The following ZNF157 variants were observed in gnomAD, a reference collection of about 807,000 sequenced individuals.
ZNF157 encodes zinc finger protein 22.
In ZNF157, 8 loss-of-function variants were observed where a neutral mutation model predicts 9.4. The ratio of observed to expected loss-of-function variants is 0.85; its 90% CI spans 0.50 to 1.53. The LOEUF (loss-of-function observed/expected upper bound fraction) is 1.53, where lower values mean the gene tolerates loss of function less well. Ranked by LOEUF, ZNF157 falls within the 40% of genes most tolerant of loss-of-function variation. ZNF157 has a pLI of 0.00. For synonymous variants in ZNF157, 120 were observed against 130.8 expected, an observed-to-expected ratio of 0.92 and a Z score of 0.56; for missense variants, 316 against 385.2, an observed-to-expected ratio of 0.82 and a Z score of 1.50.
rs763550111 is a variant in ZNF157 at position 47,380,893 on chromosome X, GAGA to G, written c.72+10155_72+10157del. ...GAAAGAGAAGGAGGAGCAGGAGGAG[GAGA>G]AAGAGAAGGAGGAGCAGGAGGAGGA... is the stretch of plus-strand genomic sequence containing the variant. On this transcript the variant is annotated intron_variant, in intron 1 of 3. Coordinates refer to ENST00000377073, the MANE Select transcript of ZNF157 (RefSeq NM_003446.4). Among the ~76,000 whole-genome samples, 295 of 100,459 alleles carry G rather than the reference GAGA, an allele frequency of 2.9e-3. 1 individual carries two copies. Among genetic ancestry groups the G allele is most frequent in the Middle Eastern group, 5.5e-3 (1 of 183 alleles). 87.2% of individuals were successfully genotyped at this position (100,459 alleles called of 115,157 possible). A position where few individuals can be genotyped will look rare whatever the true frequency, so the allele number is the denominator to read the frequency against.
chrX:47,379,495 A>C (rs1365209972), intron 1 of ZNF157, among the ~76,000 whole-genome samples: 2 of 102,488 alleles, frequency 2.0e-5, no homozygotes, highest in African/African-American at 7.3e-5. Context: ...ATCTCGGCTC[A>C]CTGCAACCTC....
intron 1 of ZNF157, among the ~76,000 whole-genome samples, chrX:47,407,503 T>C (rs2055950634): frequency 8.9e-6 from 1 of 111,991 alleles, no homozygotes. Context: ...AAGTTCAGTT[T>C]ATTTAATTGA....
rs373758904 is a variant in ZNF157 at position 47,370,759 on chromosome X, T to C, written c.72+19T>C. Reference sequence around the variant, plus strand: ...TTTTGAGGTAAGGAGGAGGATCCTATTTTTTTCTATATGTTCTTTATTTTT... The same window carrying C: ...TTTTGAGGTAAGGAGGAGGATCCTACTTTTTTCTATATGTTCTTTATTTTT... On this transcript the variant is annotated intron_variant, in intron 1 of 3. Coordinates refer to ENST00000377073, the MANE Select transcript of ZNF157 (RefSeq NM_003446.4). 6 of 1,136,279 alleles carry C rather than the reference T, an allele frequency of 5.3e-6. No homozygotes were observed. Among genetic ancestry groups the C allele is most frequent in the African/African-American group, 3.7e-5 (2 of 54,580 alleles). 93.6% of individuals were successfully genotyped at this position (1,136,279 alleles called of 1,213,427 possible).
At chrX:47,393,287 CGATCA>C (rs748721209) in intron 1 of ZNF157, among the ~76,000 whole-genome samples, 15 of 112,126 alleles carry the variant, frequency 1.3e-4, no homozygotes, top group Non-Finnish European at 2.6e-4. Context: ...CCAGATAGTT[CGATCA>C]GCCCATTTCC....
intron 1 of ZNF157, among the ~76,000 whole-genome samples, chrX:47,381,565 C>T (rs1445214101): frequency 3.6e-5 from 4 of 111,833 alleles, no homozygotes; most frequent in Non-Finnish European, 7.5e-5. Context: ...TTGTTCATTT[C>T]GGGTATATAG....
intron 1 of ZNF157, among the ~76,000 whole-genome samples, chrX:47,402,219 A>G (rs1358769080): frequency 2.7e-5 from 3 of 111,455 alleles, no homozygotes; most frequent in African/African-American, 9.8e-5. Context: ...GTTGTTTGTA[A>G]CATATGTATC....
intron 1 of ZNF157, among the ~76,000 whole-genome samples, chrX:47,403,555 G>A (rs1001768388): frequency 1.8e-5 from 2 of 110,301 alleles, no homozygotes; most frequent in South Asian, 7.7e-4. Context: ...GGCTTGTCTC[G>A]AACTCCTGGG....
intron 1 of ZNF157, among the ~76,000 whole-genome samples, chrX:47,394,555 A>G (rs1177443205): frequency 8.9e-6 from 1 of 111,831 alleles, no homozygotes; most frequent in African/African-American, 3.2e-5. Context: ...ATACCGAAGT[A>G]TTTGTGTGGA....
Position 47,370,619 on chromosome X carries a change from C to T in ZNF157, c.-50C>T, listed in dbSNP as rs1481820222. On this transcript the variant is annotated 5_prime_UTR_variant, in exon 1 of 4. Coordinates refer to ENST00000377073, the MANE Select transcript of ZNF157 (RefSeq NM_003446.4). ...TTACTGGAGGCTGCAGGACCCTCTA[C>T]ACACAGACAGCTGTCCAGCACGGAA... 10 of 1,148,353 alleles carry T rather than the reference C, an allele frequency of 8.7e-6. No individual in the cohort carries two copies. Among genetic ancestry groups the T allele is most frequent in the Admixed American group, 2.4e-5 (1 of 41,421 alleles). 94.6% of individuals were successfully genotyped at this position (1,148,353 alleles called of 1,213,427 possible).
At chrX:47,401,258 T>A (rs2055929626) in intron 1 of ZNF157, among the ~76,000 whole-genome samples, 1 of 112,123 alleles carries the variant, frequency 8.9e-6, no homozygotes, top group African/African-American at 3.2e-5. Flanking sequence ...AATTCTCTGA[T>A]CCAAAACCTC....
At chrX:47,411,758 A>G (rs2055965925) in intron 3 of ZNF157, among the ~76,000 whole-genome samples, 1 of 111,126 alleles carries the variant, frequency 9.0e-6, no homozygotes, top group African/African-American at 3.3e-5. Context: ...TGAAACTTTA[A>G]ATGAGTATCA....
chrX:47,388,223 A>G (rs1449030181), intron 1 of ZNF157, among the ~76,000 whole-genome samples: 1 of 109,640 alleles, frequency 9.1e-6, no homozygotes, highest in Non-Finnish European at 1.9e-5. Context: ...AGTAGCAGTG[A>G]CTACAGGTGC....
At chrX:47,398,546 G>A (rs1462769893) in intron 1 of ZNF157, among the ~76,000 whole-genome samples, 1 of 108,761 alleles carries the variant, frequency 9.2e-6, no homozygotes, top group Non-Finnish European at 1.9e-5. Context: ...TGTCTCTCAG[G>A]CTGGAGGCTG....
rs1280924824 is a variant in ZNF157 at position 47,413,623 on chromosome X, C to T, written c.*29C>T. The T allele has an allele frequency of 8.6e-7, 1 of 1,156,098 alleles. No individual in the cohort carries two copies. The highest frequency in any genetic ancestry group is 1.8e-5 in the African/African-American group (1 of 55,237). ...CTTCCCTCACCATTGGATCAAGCTCCTTGGGGGCATATGATCACCAGGGCA... is the reference window on the plus strand; with the variant it reads ...CTTCCCTCACCATTGGATCAAGCTCTTTGGGGGCATATGATCACCAGGGCA... On this transcript the variant is annotated 3_prime_UTR_variant, in exon 4 of 4. Coordinates refer to ENST00000377073, the MANE Select transcript of ZNF157 (RefSeq NM_003446.4).
intron 1 of ZNF157, among the ~76,000 whole-genome samples, chrX:47,383,104 C>T (rs903762586): frequency 9.1e-6 from 1 of 109,419 alleles, no homozygotes; most frequent in African/African-American, 3.3e-5. Context: ...GGCGCAGTGG[C>T]TTATGCCTGT....
intron 1 of ZNF157, among the ~76,000 whole-genome samples, chrX:47,392,622 T>C (rs1243729222): frequency 9.0e-6 from 1 of 111,666 alleles, no homozygotes; most frequent in East Asian, 2.8e-4. Context: ...ACATGCAAAA[T>C]ACATTCATCC....
At position 47,370,663 on chromosome X, in the gene ZNF157, GTGAACATGCCAGC is replaced by G; in HGVS notation, c.-4_9del. 8.3e-7 allele frequency: 1 copy of G among 1,204,931 alleles called. No homozygotes were observed. The highest frequency in any genetic ancestry group is 1.1e-6 in the Non-Finnish European group (1 of 892,173). ...CACGGAAGGTGGGCTGAGGCCCAGG[GTGAACATGCCAGC>G]TAATGGGACATCACCCCAGAGATTC... is the stretch of plus-strand genomic sequence containing the variant. On this transcript the variant is annotated start_lost and 5_prime_UTR_variant, in exon 1 of 4. Transcript: ENST00000377073.
chrX:47,370,772 GTTCT>G (rs1488133272), intron 1 of ZNF157, 32 bp downstream of exon 1: 27 of 1,072,438 alleles, frequency 2.5e-5, no homozygotes, highest in African/African-American at 1.3e-4. Flanking sequence ...TTTTCTATAT[GTTCT>G]TTATTTTTTT....
chrX:47,387,098 C>T (rs1328090145), intron 1 of ZNF157, among the ~76,000 whole-genome samples: 2 of 107,287 alleles, frequency 1.9e-5, no homozygotes, highest in African/African-American at 6.8e-5. Context: ...GCTGGGACTA[C>T]AGGCGTGCAC....
Sources: gnomAD v4.1 joint callset for allele counts (sites outside exome capture counted in the v4.1 genomes callset) on GRCh38, gnomAD v4.1.1 for gene constraint, MANE v1.5 for transcripts, NCBI Gene and HGNC (gene_info 2026-07-23, HGNC 2026-07-21) for gene names.